The following GLI3 variants were observed in gnomAD, a reference collection of about 807,000 sequenced individuals.
The protein encoded by GLI3 is GLI family zinc finger 3.
GLI3 carries 20 observed loss-of-function variants against 100.8 expected under a neutral mutation model. That is an observed-to-expected ratio of 0.20 (90% CI 0.14 to 0.29). The LOEUF (loss-of-function observed/expected upper bound fraction) is 0.29, where lower values mean the gene tolerates loss of function less well. Ranked by LOEUF, GLI3 falls within the 10% of genes least tolerant of loss-of-function variation. The probability of loss-of-function intolerance (pLI) is 1.00; values close to 1 mark genes in which losing one functional copy is unlikely to be tolerated. For missense variants in GLI3, 2,040 were observed against 2,128.5 expected (o/e 0.96, Z 0.82); for synonymous variants, 938 against 860.5 (o/e 1.09, Z -1.58).
chr7:42,219,855 T>TC (rs1410396753), intron 2 of GLI3, among the ~76,000 whole-genome samples: 1 of 145,572 alleles, frequency 6.9e-6, no homozygotes, highest in Non-Finnish European at 1.5e-5. Context: ...ACTGAACTCT[T>TC]TTTTTTTTTT....
At chr7:42,177,103 G>A (rs748431759) in intron 2 of GLI3, among the ~76,000 whole-genome samples, 1 of 152,042 alleles carries the variant, frequency 6.6e-6, no homozygotes. Context: ...CCAGTGATAG[G>A]GACACTCCGT....
chr7:42,262,238 T>TTCCTTCCTTCCTTCCC, intron 1 of GLI3, among the ~76,000 whole-genome samples: 1 of 147,836 alleles, frequency 6.8e-6, no homozygotes, highest in African/African-American at 2.5e-5. Context: ...CCTTCCTTCC[T>TTCCTTCCTTCCTTCCC]TCCTTCCTTT....
intron 10 of GLI3, among the ~76,000 whole-genome samples, chr7:42,003,730 C>T (rs949417322): frequency 2.0e-5 from 3 of 152,166 alleles, no homozygotes; most frequent in African/African-American, 7.2e-5. Context: ...ATCCAAACAG[C>T]TTTACCAGAA....
intron 7 of GLI3, among the ~76,000 whole-genome samples, chr7:42,029,941 G>A (rs1045057013): frequency 1.3e-5 from 2 of 152,200 alleles, no homozygotes; most frequent in Non-Finnish European, 2.9e-5. Context: ...CAGACACGCA[G>A]TACTGAGTCA....
chr7:42,165,507 A>G (rs1787224069), intron 2 of GLI3, among the ~76,000 whole-genome samples: 1 of 152,214 alleles, frequency 6.6e-6, no homozygotes. Flanking sequence ...TAAACATCAG[A>G]AAAGAAGTAA....
chr7:42,023,118 G>A (rs1433338786), intron 10 of GLI3, among the ~76,000 whole-genome samples: 1 of 152,128 alleles, frequency 6.6e-6, no homozygotes, highest in African/African-American at 2.4e-5. Context: ...ACCGGGTCTT[G>A]GAAGGGGAAT....
intron 14 of GLI3, among the ~76,000 whole-genome samples, chr7:41,967,345 C>CA (rs765436100): frequency 6.6e-6 from 1 of 152,194 alleles, no homozygotes; most frequent in Non-Finnish European, 1.5e-5. Context: ...CCTAATCTAA[C>CA]AGTTATGATT....
intron 2 of GLI3, among the ~76,000 whole-genome samples, chr7:42,194,759 C>CTTTTTTTTTTTTT (rs61524545): frequency 7.3e-5 from 8 of 108,946 alleles, no homozygotes; most frequent in African/African-American, 1.6e-4. Context: ...CTCTCTGTCT[C>CTTTTTTTTTTTTT]TTTTTTTTTT....
intron 2 of GLI3, among the ~76,000 whole-genome samples, chr7:42,209,263 C>T (rs1437425192): frequency 6.6e-6 from 1 of 152,078 alleles, no homozygotes; most frequent in South Asian, 2.1e-4. Flanking sequence ...ATTGCCCAGG[C>T]TGGCCTCAAA....
chr7:42,077,243 A>C (rs1784899105), intron 3 of GLI3, among the ~76,000 whole-genome samples: 2 of 152,176 alleles, frequency 1.3e-5, no homozygotes, highest in South Asian at 4.1e-4. Flanking sequence ...CTACATTGTC[A>C]AGTTAAGTTT....
At chr7:42,006,139 T>TA (rs1369718987) in intron 10 of GLI3, among the ~76,000 whole-genome samples, 1 of 152,128 alleles carries the variant, frequency 6.6e-6, no homozygotes, top group African/African-American at 2.4e-5. Flanking sequence ...CCCCTGTACT[T>TA]AAAAAAGTAT....
chr7:42,092,209 C>G (rs1003446259), intron 3 of GLI3, among the ~76,000 whole-genome samples: 1 of 152,242 alleles, frequency 6.6e-6, no homozygotes, highest in Middle Eastern at 3.2e-3. Flanking sequence ...ACACCTTTTT[C>G]TCTGCAAATG....
intron 2 of GLI3, among the ~76,000 whole-genome samples, chr7:42,155,567 A>C (rs928908468): frequency 1.7e-4 from 26 of 152,024 alleles, no homozygotes; most frequent in African/African-American, 6.3e-4. Flanking sequence ...CCAATATCCC[A>C]ATGGCTTCCA....
chr7:42,046,604 T>C (rs554566967), intron 5 of GLI3, among the ~76,000 whole-genome samples: 28 of 152,348 alleles, frequency 1.8e-4, no homozygotes, highest in African/African-American at 5.8e-4. Flanking sequence ...CATCAAATGC[T>C]ACACAAAGCA....
Position 42,053,659 on chromosome 7 carries a change from C to T in GLI3, c.474-4963G>A, listed in dbSNP as rs116314975. Reference sequence around the variant, plus strand: ...GAAATGAACTGAGGATCACCGCTTTCGGTCTTTGTGGCAGTCCACCTTCTC... The same window carrying T: ...GAAATGAACTGAGGATCACCGCTTTTGGTCTTTGTGGCAGTCCACCTTCTC... On this transcript the variant is annotated intron_variant, in intron 4 of 14. Coordinates refer to ENST00000395925, the MANE Select transcript of GLI3 (RefSeq NM_000168.6). Among the ~76,000 whole-genome samples the T allele has an allele frequency of 2.4e-3, 366 of 152,280 alleles. 3 individuals carry two copies. The highest frequency in any genetic ancestry group is 8.4e-3 in the African/African-American group (347 of 41,546).
At chr7:42,143,823 A>G (rs1240064309) in intron 3 of GLI3, among the ~76,000 whole-genome samples, 1 of 152,234 alleles carries the variant, frequency 6.6e-6, no homozygotes, top group Admixed American at 6.5e-5. Flanking sequence ...ACTACTGCTT[A>G]GGAGCAGTTG....
At chr7:42,246,949 A>G (rs1788982869) in intron 1 of GLI3, among the ~76,000 whole-genome samples, 1 of 151,830 alleles carries the variant, frequency 6.6e-6, no homozygotes, top group Non-Finnish European at 1.5e-5. Flanking sequence ...CACCCTGAAC[A>G]AGGCAAGGCA....
intron 2 of GLI3, among the ~76,000 whole-genome samples, chr7:42,166,179 A>G (rs1382796382): frequency 2.0e-5 from 3 of 152,036 alleles, no homozygotes; most frequent in African/African-American, 7.2e-5. Flanking sequence ...TTTCCACCCA[A>G]TGTCTACCAG....
At chr7:42,002,289 T>C (rs1209372227) in intron 10 of GLI3, among the ~76,000 whole-genome samples, 1 of 152,226 alleles carries the variant, frequency 6.6e-6, no homozygotes, top group Non-Finnish European at 1.5e-5. Flanking sequence ...ATAATCTTGA[T>C]ATTAAACAAA....
Sources: gnomAD v4.1 joint callset for allele counts (sites outside exome capture counted in the v4.1 genomes callset) on GRCh38, gnomAD v4.1.1 for gene constraint, MANE v1.5 for transcripts, NCBI Gene and HGNC (gene_info 2026-07-23, HGNC 2026-07-21) for gene names.